KCNJ6: variants seen among roughly 807,000 people sequenced by gnomAD.
KCNJ6 encodes the protein G protein-activated inward rectifier potassium channel 2.
In KCNJ6, 9 loss-of-function variants were observed where a neutral mutation model predicts 34.2. The observed-to-expected ratio is 0.26, with a 90% confidence interval of 0.16 to 0.46. The LOEUF is 0.46. Ranked by LOEUF, KCNJ6 falls within the 20% of genes least tolerant of loss-of-function variation. The pLI, the probability that KCNJ6 is intolerant of heterozygous loss-of-function variation, is 1.00. For synonymous variants in KCNJ6, 196 were observed against 207.1 expected (o/e 0.95, Z 0.46); for missense variants, 236 against 531.3 (o/e 0.44, Z 5.46).
intron 2 of KCNJ6, among the ~76,000 whole-genome samples, chr21:37,838,483 G>A (rs2055463089): frequency 6.6e-6 from 1 of 152,200 alleles, no homozygotes; most frequent in South Asian, 2.1e-4. Context: ...AATTCACCCA[G>A]ACACCTGAGA....
intron 1 of KCNJ6, among the ~76,000 whole-genome samples, chr21:37,846,362 T>C (rs1472152883): frequency 4.4e-5 from 1 of 22,898 alleles, no homozygotes; most frequent in African/African-American, 1.5e-4. Context: ...TCTGTGTGTG[T>C]GTGTGTGTGT....
chr21:37,834,732 C>G (rs1367394422), intron 2 of KCNJ6, among the ~76,000 whole-genome samples: 2 of 152,200 alleles, frequency 1.3e-5, no homozygotes, highest in South Asian at 2.1e-4. Context: ...CAAATCTGTA[C>G]TAAATTTGAG....
chr21:37,791,177 T>G (rs1601472906), intron 2 of KCNJ6, among the ~76,000 whole-genome samples: 1 of 152,226 alleles, frequency 6.6e-6, no homozygotes, highest in African/African-American at 2.4e-5. Context: ...CGTCCTTGAA[T>G]ACGTCTCCAG....
chr21:37,785,311 T>C (rs1196097459), intron 2 of KCNJ6, among the ~76,000 whole-genome samples: 1 of 152,216 alleles, frequency 6.6e-6, no homozygotes, highest in African/African-American at 2.4e-5. Context: ...TTATAAAAGA[T>C]GTTCAAAACT....
chr21:37,738,233 C>T (rs764318223), intron 2 of KCNJ6, among the ~76,000 whole-genome samples: 14 of 152,208 alleles, frequency 9.2e-5, no homozygotes, highest in East Asian at 5.8e-4. Flanking sequence ...AGATTACAAA[C>T]GGCCTGTACT....
At chr21:37,912,596 A>T (rs1484909434) in intron 1 of KCNJ6, among the ~76,000 whole-genome samples, 4 of 152,226 alleles carry the variant, frequency 2.6e-5, no homozygotes, top group Admixed American at 2.6e-4. Context: ...GCGTTGTTTA[A>T]TACTCCACGT....
chr21:37,638,851 A>G (rs150405885), intron 3 of KCNJ6, among the ~76,000 whole-genome samples: 283 of 152,330 alleles, frequency 1.9e-3, no homozygotes, highest in Middle Eastern at 3.4e-3. Context: ...TTCCTCCTCC[A>G]ACAGTAAGAA....
intron 1 of KCNJ6, among the ~76,000 whole-genome samples, chr21:37,874,789 ATTCG>A (rs2055669551): frequency 6.6e-6 from 1 of 152,098 alleles, no homozygotes; most frequent in Non-Finnish European, 1.5e-5. Flanking sequence ...GACAGTTCAC[ATTCG>A]ATCTCTTAGA....
At chr21:37,808,832 T>TTC (rs1004595508) in intron 2 of KCNJ6, among the ~76,000 whole-genome samples, 2 of 152,046 alleles carry the variant, frequency 1.3e-5, no homozygotes, top group African/African-American at 2.4e-5. Flanking sequence ...TTGATTTCCT[T>TTC]TCTCTCTCTC....
At position 37,624,864 on chromosome 21, in the gene KCNJ6, G is replaced by T. The variant is rs941990196; in HGVS notation, c.*295C>A. 7.0e-6 allele frequency: 3 copies of T among 428,432 alleles called. No homozygotes were observed. The highest frequency in any genetic ancestry group is 1.3e-5 in the Non-Finnish European group (3 of 238,482). 26.5% of individuals were successfully genotyped at this position (428,432 alleles called of 1,614,324 possible). ...ATCTGGTATTGTACAACACATGCAG[G>T]TAAGTAACTGAAATCTCCAGGAGTT... On this transcript the variant is annotated 3_prime_UTR_variant, in exon 4 of 4. Transcript: ENST00000609713.
At chr21:37,731,859 TAAG>T (rs2054887158) in intron 2 of KCNJ6, among the ~76,000 whole-genome samples, 1 of 152,056 alleles carries the variant, frequency 6.6e-6, no homozygotes, top group Non-Finnish European at 1.5e-5. Flanking sequence ...GCTCTGCTGA[TAAG>T]AAGAGTCCAG....
intron 2 of KCNJ6, among the ~76,000 whole-genome samples, chr21:37,784,365 C>T (rs569501520): frequency 1.3e-5 from 2 of 152,354 alleles, no homozygotes; most frequent in Admixed American, 1.3e-4. Flanking sequence ...AGGCCTTTCC[C>T]TGCCCTCAGC....
chr21:37,841,393 C>T (rs2055480059), intron 1 of KCNJ6, among the ~76,000 whole-genome samples: 2 of 152,268 alleles, frequency 1.3e-5, no homozygotes, highest in East Asian at 1.9e-4. Context: ...TTCCACAGTT[C>T]TTTGGGTTTA....
chr21:37,762,257 A>G (rs2835944), intron 2 of KCNJ6, among the ~76,000 whole-genome samples: 94,771 of 152,102 alleles, frequency 0.62, 30,278 homozygotes, highest in African/African-American at 0.75. Context: ...CTTAGCATCC[A>G]GCACAGATGG....
chr21:37,776,414 C>T (rs1375008038), intron 2 of KCNJ6, among the ~76,000 whole-genome samples: 1 of 152,166 alleles, frequency 6.6e-6, no homozygotes, highest in African/African-American at 2.4e-5. Flanking sequence ...GAGGGCATCC[C>T]TGTCTTGTGC....
intron 2 of KCNJ6, among the ~76,000 whole-genome samples, chr21:37,820,193 CTT>C (rs1219237838): frequency 1.3e-5 from 2 of 152,134 alleles, no homozygotes; most frequent in African/African-American, 4.8e-5. Context: ...GATTACATTT[CTT>C]TGTTTTCTTC....
At chr21:37,776,888 T>C (rs2055145270) in intron 2 of KCNJ6, among the ~76,000 whole-genome samples, 1 of 152,194 alleles carries the variant, frequency 6.6e-6, no homozygotes, top group African/African-American at 2.4e-5. Flanking sequence ...GGATTCCCTC[T>C]TTTTCTATTG....
At chr21:37,625,505 G>A (rs1359512626) in intron 3 of KCNJ6, 21 bp from the exon 4 acceptor site, 1 of 1,582,132 alleles carries the variant, frequency 6.3e-7, no homozygotes. Flanking sequence ...AAGAATGGAG[G>A]CTTTAGCATA....
At chr21:37,869,595 C>T (rs981388114) in intron 1 of KCNJ6, among the ~76,000 whole-genome samples, 2 of 152,184 alleles carry the variant, frequency 1.3e-5, no homozygotes, top group African/African-American at 2.4e-5. Flanking sequence ...TTTCTACCTG[C>T]GATGTAGGTG....
Sources: gnomAD v4.1 joint callset for allele counts (sites outside exome capture counted in the v4.1 genomes callset) on GRCh38, gnomAD v4.1.1 for gene constraint, MANE v1.5 for transcripts, NCBI Gene and HGNC (gene_info 2026-07-23, HGNC 2026-07-21) for gene names.